Variants in RPS6 observed in about 807,000 individuals in gnomAD.
The protein encoded by RPS6 is small ribosomal subunit protein eS6.
Under a neutral mutation model 27.1 loss-of-function variants are expected in RPS6, and 1 was observed. The ratio of observed to expected loss-of-function variants is 0.04; its 90% CI spans 0.01 to 0.18. RPS6 has a LOEUF of 0.18. RPS6 is among the 10% of genes least tolerant of loss of function. The probability of loss-of-function intolerance (pLI) is 1.00; values close to 1 mark genes in which losing one functional copy is unlikely to be tolerated. For synonymous variants in RPS6, 152 were observed against 106.0 expected (o/e 1.43, Z -2.66); for missense variants, 259 against 319.1 (o/e 0.81, Z 1.44).
At chr9:19,379,296 G>A (rs1298490123) in intron 2 of RPS6, 191 bp downstream of exon 2, 7 of 1,474,440 alleles carry the variant, frequency 4.7e-6, no homozygotes, top group South Asian at 2.8e-5. Flanking sequence ...TAAACTTTAC[G>A]TATATTTTAT....
rs374347402 is a variant in RPS6 at position 19,378,941 on chromosome 9, A to T, written c.139-23T>A. 5.0e-6 allele frequency: 8 copies of T among 1,607,022 alleles called. No homozygotes were observed. The African/African-American group carries it at 1.1e-4, about 21-fold the overall frequency. On this transcript the variant is annotated intron_variant, in intron 2 of 5. Coordinates refer to ENST00000380394, the MANE Select transcript of RPS6 (RefSeq NM_001010.3). The stretch of plus-strand genomic sequence containing the variant: ...ACCCTGCAAGAGCATACAATGAATG[A>T]CACATTTACTATTTCTATTCCAAAA...
rs1211899946 is a variant in RPS6, at chr9:19,376,011, CATTTCCCCTA to C, written c.*272_*281del. The C allele has an allele frequency of 2.1e-5, 6 of 288,914 alleles. No homozygotes were observed. The highest frequency in any genetic ancestry group is 3.9e-5 in the Non-Finnish European group (6 of 154,620). 17.9% of individuals were successfully genotyped at this position (288,914 alleles called of 1,614,324 possible). ...TATAAAAAAGATTAATAGTCCTCATCATTTCCCCTAAGTTCCATGCCATTCTGAAGAGGCA... is the reference window on the plus strand; with the variant it reads ...TATAAAAAAGATTAATAGTCCTCATCAGTTCCATGCCATTCTGAAGAGGCA... On this transcript the variant is annotated 3_prime_UTR_variant, in exon 6 of 6. Transcript: ENST00000380394.
At chr9:19,379,676 G>A (rs879211906) in intron 1 of RPS6, 58 bp from the exon 2 acceptor site, 5 of 1,543,960 alleles carry the variant, frequency 3.2e-6, no homozygotes, top group Non-Finnish European at 4.4e-6. Context: ...TAATTGTAGA[G>A]CCATCTACAA....
Position 19,378,334 on chromosome 9 carries a change from A to C in RPS6, c.496+34T>G, listed in dbSNP as rs1222772849. On this transcript the variant is annotated intron_variant, in intron 4 of 5. Coordinates refer to ENST00000380394, the MANE Select transcript of RPS6 (RefSeq NM_001010.3). ...ACAAAATGATAGACAAATTACCAAA[A>C]TTAAGCAAGCCCTAATTGCATAATC... is the stretch of plus-strand genomic sequence containing the variant. The C allele has an allele frequency of 3.7e-6, 6 of 1,605,512 alleles. No individual in the cohort carries two copies. In the Admixed American group the frequency reaches 1.0e-4, roughly 27 times the overall value.
Position 19,378,475 on chromosome 9 carries a change from G to T in RPS6, c.389C>A (p.Pro130His). Residue 130 changes from proline to histidine, a missense_variant, in exon 4 of 6, where the codon CCT becomes CAT. Physicochemically the swap from Pro to His is moderately conservative, Grantham distance 77. Coordinates refer to ENST00000380394, the MANE Select transcript of RPS6 (RefSeq NM_001010.3). ...AGCTCTTTTGGGGCCCAGGCGGCGA[G>T]GCACTGTAGTATCAGTCAGTCCAGG... ...DIPGLTDTTVPRRLGPKRASR... is the reference protein window; with the variant it reads ...DIPGLTDTTVHRRLGPKRASR... 1 of 1,614,142 alleles carries T rather than the reference G, an allele frequency of 6.2e-7. No individual in the cohort carries two copies. The highest frequency in any genetic ancestry group is 8.5e-7 in the Non-Finnish European group (1 of 1,180,036).
chr9:19,379,215 T>TATGTGCCAAA, intron 2 of RPS6: 1 of 1,213,540 alleles, frequency 8.2e-7, no homozygotes, highest in Non-Finnish European at 1.1e-6. Context: ...TTTTTGGCAC[T>TATGTGCCAAA]TTGGGGATTA....
chr9:19,376,909 T>G (rs1829597817), intron 4 of RPS6: 1 of 351,154 alleles, frequency 2.8e-6, no homozygotes, highest in Admixed American at 4.3e-5. Context: ...CCTTCCAGTT[T>G]TACTAAAATA....
At chr9:19,377,293 A>G (rs182990469) in intron 4 of RPS6, among the ~76,000 whole-genome samples, 1 of 152,324 alleles carries the variant, frequency 6.6e-6, no homozygotes, top group African/African-American at 2.4e-5. Flanking sequence ...TATAGACATA[A>G]GAACCATCTA....
Position 19,378,866 on chromosome 9 carries a change from T to A in RPS6, c.191A>T (p.Lys64Met), listed in dbSNP as rs1829631894. The A allele has an allele frequency of 6.2e-7, 1 of 1,614,116 alleles. No homozygotes were observed. The highest frequency in any genetic ancestry group is 8.5e-7 in the Non-Finnish European group (1 of 1,180,054). Reference protein sequence around the residue: ...GGNDKQGFPMKQGVLTHGRVR... With the variant: ...GGNDKQGFPMMQGVLTHGRVR... ...ACGGCCATGGGTCAAGACACCCTGC[T>A]TCATGGGGAAACCTTGTTTGTCGTT... Residue 64 changes from lysine to methionine, a missense_variant, in exon 3 of 6, where the codon AAG (lysine) becomes ATG (methionine). By Grantham distance (95) the Lys-to-Met change is moderately conservative. Around this residue, in one of 3 missense-constraint regions of RPS6, gnomAD observed 3 missense variants for 20.9 expected, o/e 0.14. Transcript: ENST00000380394.
rs1464846593 is a variant in RPS6 at position 19,376,038 on chromosome 9, G to C, written c.*255C>G. On this transcript the variant is annotated 3_prime_UTR_variant, in exon 6 of 6. Transcript: ENST00000380394. The stretch of plus-strand genomic sequence containing the variant: ...TTTCCCCTAAGTTCCATGCCATTCT[G>C]AAGAGGCAGGTGTCTTATGCTCAGA... 3 of 360,028 alleles carry C rather than the reference G, an allele frequency of 8.3e-6. No individual in the cohort carries two copies. 22.3% of individuals were successfully genotyped at this position (360,028 alleles called of 1,614,324 possible). A position where few individuals can be genotyped will look rare whatever the true frequency, so the allele number is the denominator to read the frequency against.
Position 19,379,753 on chromosome 9 carries a change from T to A in RPS6, c.7-135A>T, listed in dbSNP as rs368144672. The A allele has an allele frequency of 2.0e-6, 3 of 1,494,666 alleles. No individual in the cohort carries two copies. In the East Asian group the frequency reaches 6.9e-5, roughly 35 times the overall value. 92.6% of individuals were successfully genotyped at this position (1,494,666 alleles called of 1,614,324 possible). ...CAAGCAGGAAATATAAGATGCCGAC[T>A]GTACTCACTAAAAGCACGTGAAAGC... On this transcript the variant is annotated intron_variant, in intron 1 of 5. Coordinates refer to ENST00000380394, the MANE Select transcript of RPS6 (RefSeq NM_001010.3).
Position 19,380,166 on chromosome 9 carries a change from C to T in RPS6, c.6+24G>A, listed in dbSNP as rs769224636. Reference sequence around the variant, plus strand: ...TCGATTCACGTTCCCCAAACCCAGTCTAACACTCGCCACCATCACCTACCT... The same window carrying T: ...TCGATTCACGTTCCCCAAACCCAGTTTAACACTCGCCACCATCACCTACCT... On this transcript the variant is annotated intron_variant, in intron 1 of 5. Transcript: ENST00000380394. The T allele has an allele frequency of 2.3e-5, 37 of 1,614,182 alleles. 1 individual carries two copies. In the Middle Eastern group the frequency reaches 1.2e-3, roughly 50 times the overall value.
intron 1 of RPS6, 90 bp downstream of exon 1, chr9:19,380,100 T>A: frequency 6.2e-7 from 1 of 1,613,866 alleles, no homozygotes; most frequent in Admixed American, 1.7e-5. Context: ...AAAGCCAGGA[T>A]CCTGGAGTGC....
At chr9:19,379,940 G>A (rs1829651670) in intron 1 of RPS6, 5 of 1,433,506 alleles carry the variant, frequency 3.5e-6, no homozygotes, top group East Asian at 2.5e-5. Context: ...TGGGCAACAC[G>A]CCGCATCCGT....
intron 2 of RPS6, 100 bp downstream of exon 2, chr9:19,379,387 G>GA: frequency 6.4e-7 from 1 of 1,565,194 alleles, no homozygotes; most frequent in South Asian, 1.2e-5. Flanking sequence ...CCAAAGGTCA[G>GA]AAGCCAGAAC....
intron 2 of RPS6, chr9:19,379,149 T>G (rs1829637847): frequency 6.4e-6 from 5 of 785,674 alleles, no homozygotes; most frequent in East Asian, 2.7e-5. Flanking sequence ...TTATTAGAGA[T>G]AACAGCACTA....
intron 4 of RPS6, among the ~76,000 whole-genome samples, chr9:19,377,882 T>A (rs1829615830): frequency 6.6e-6 from 1 of 152,176 alleles, no homozygotes; most frequent in African/African-American, 2.4e-5. Context: ...TTGGGCTGGG[T>A]GTGGTGGCTC....
chr9:19,376,317 AG>A lies in RPS6; in HGVS notation c.725del (p.Ser242LeufsTer12), dbSNP rs1347817577. On this transcript the variant is annotated frameshift_variant, in exon 6 of 6. Transcript: ENST00000380394. LOFTEE classifies it high-confidence loss of function. Reference sequence around the variant, plus strand: ...CTTATTTCTGACTGGATTCAGACTTAGAAGTAGAAGCTCGCAGAGAGGAAAG... The same window carrying A: ...CTTATTTCTGACTGGATTCAGACTTAAAGTAGAAGCTCGCAGAGAGGAAAG... ...RRLSSLRAST[S>X]KSESSQK is the part of the protein sequence containing the mutation. 1.2e-6 allele frequency: 2 copies of A among 1,613,786 alleles called. No individual in the cohort carries two copies. The highest frequency in any genetic ancestry group is 1.7e-6 in the Non-Finnish European group (2 of 1,179,946).
At chr9:19,378,158 G>T (rs1397251395) in intron 4 of RPS6, among the ~76,000 whole-genome samples, 2 of 152,142 alleles carry the variant, frequency 1.3e-5, no homozygotes, top group South Asian at 4.1e-4. Flanking sequence ...GATTTTCAAC[G>T]AAATTACTGC....
Sources: allele counts gnomAD v4.1 joint callset (sites outside exome capture counted in the v4.1 genomes callset), GRCh38; gene constraint gnomAD v4.1.1; regional missense constraint gnomAD v4.1.1; transcripts MANE v1.5; gene names NCBI Gene and HGNC (gene_info 2026-07-23, HGNC 2026-07-21).